The following KYNU variants were observed in gnomAD, a reference collection of about 807,000 sequenced individuals.
KYNU encodes the protein L-kynurenine hydrolase.
Under a neutral mutation model 59.2 loss-of-function variants are expected in KYNU, and 54 were observed. The ratio of observed to expected loss-of-function variants is 0.91; its 90% CI spans 0.73 to 1.14. KYNU has a LOEUF of 1.14. KYNU is among the 50% of genes most tolerant of loss of function. The probability of loss-of-function intolerance (pLI) is 0.00; values close to 1 mark genes in which losing one functional copy is unlikely to be tolerated. For missense variants in KYNU, 567 were observed against 554.4 expected (o/e 1.02, Z -0.23); for synonymous variants, 177 against 192.0 (o/e 0.92, Z 0.65).
intron 8 of KYNU, among the ~76,000 whole-genome samples, chr2:142,961,556 A>T (rs967398970): frequency 6.6e-6 from 1 of 152,152 alleles, no homozygotes; most frequent in Non-Finnish European, 1.5e-5. Flanking sequence ...GCAGAATTCA[A>T]TTTTATCAGT....
rs1687078248 is a variant in KYNU at position 143,042,257 on chromosome 2, G to A, written c.*85G>A. 2.1e-5 allele frequency: 28 copies of A among 1,308,990 alleles called. No individual in the cohort carries two copies. Among genetic ancestry groups the A allele is most frequent in the Non-Finnish European group, 3.0e-5 (28 of 920,622 alleles). 81.1% of individuals were successfully genotyped at this position (1,308,990 alleles called of 1,614,324 possible). Reference sequence around the variant, plus strand: ...ATTATTCGATTTTTAATTATTGAAAGTATGTCACCATTGACCACATGTAAC... The same window carrying A: ...ATTATTCGATTTTTAATTATTGAAAATATGTCACCATTGACCACATGTAAC... On this transcript the variant is annotated 3_prime_UTR_variant, in exon 14 of 14. Coordinates refer to ENST00000264170, the MANE Select transcript of KYNU (RefSeq NM_003937.3).
chr2:143,030,766 C>A (rs1476071921), intron 11 of KYNU, among the ~76,000 whole-genome samples: 1 of 143,460 alleles, frequency 7.0e-6, no homozygotes, highest in Non-Finnish European at 1.5e-5. Context: ...GGGGTTATTT[C>A]CTGATAAGCC....
chr2:142,901,078 G>T (rs1682066710), intron 2 of KYNU, among the ~76,000 whole-genome samples: 1 of 151,940 alleles, frequency 6.6e-6, no homozygotes, highest in South Asian at 2.1e-4. Context: ...AAAGATACAG[G>T]GATTGAAATG....
At chr2:142,907,830 T>C (rs1682352367) in intron 2 of KYNU, among the ~76,000 whole-genome samples, 1 of 152,214 alleles carries the variant, frequency 6.6e-6, no homozygotes, top group African/African-American at 2.4e-5. Context: ...AAGGTGGGTG[T>C]GGTCACCTTC....
chr2:143,013,728 G>T (rs1233920930), intron 10 of KYNU, among the ~76,000 whole-genome samples: 2 of 152,148 alleles, frequency 1.3e-5, no homozygotes, highest in African/African-American at 4.8e-5. Flanking sequence ...TTTAAGTTCT[G>T]TTGGTTCAGC....
Position 142,901,595 on chromosome 2 carries a change from T to C in KYNU, c.169+16059T>C, listed in dbSNP as rs567675102. On this transcript the variant is annotated intron_variant, in intron 2 of 13. Transcript: ENST00000264170. ...ATGGCTTCCTGATGTTTGATAGGTG[T>C]TCCCTCAGAAGTTAGGAATTCCCTT... Among the ~76,000 whole-genome samples, 6 of 152,318 alleles carry C rather than the reference T, an allele frequency of 3.9e-5. No homozygotes were observed. In the South Asian group the frequency reaches 1.2e-3, roughly 32 times the overall value.
chr2:142,961,779 A>AT (rs1275302246), intron 8 of KYNU, among the ~76,000 whole-genome samples: 2 of 152,188 alleles, frequency 1.3e-5, no homozygotes, highest in African/African-American at 4.8e-5. Context: ...CAACAGTCAC[A>AT]ATTTGTGTTT....
At chr2:142,892,873 G>A (rs771211981) in intron 2 of KYNU, among the ~76,000 whole-genome samples, 11 of 152,244 alleles carry the variant, frequency 7.2e-5, no homozygotes, top group Non-Finnish European at 1.3e-4. Context: ...GCTGTTACAA[G>A]CAGTGAGAAT....
intron 2 of KYNU, among the ~76,000 whole-genome samples, chr2:142,906,624 G>C (rs537269543): frequency 6.6e-6 from 1 of 152,236 alleles, no homozygotes; most frequent in African/African-American, 2.4e-5. Flanking sequence ...GAGAGAAAGT[G>C]AAAGTCTGAA....
At chr2:143,016,375 A>G (rs1686245469) in intron 10 of KYNU, among the ~76,000 whole-genome samples, 1 of 152,274 alleles carries the variant, frequency 6.6e-6, no homozygotes, top group Admixed American at 6.5e-5. Flanking sequence ...TAATAGGATT[A>G]TAAAATTCTC....
At chr2:142,975,447 G>C (rs569769269) in intron 8 of KYNU, among the ~76,000 whole-genome samples, 2 of 152,264 alleles carry the variant, frequency 1.3e-5, no homozygotes, top group South Asian at 4.2e-4. Flanking sequence ...GGACCTCCTA[G>C]GTGCCAAGAG....
chr2:142,877,730 C>T lies in KYNU; in HGVS notation c.-26C>T, dbSNP rs552157438. On this transcript the variant is annotated 5_prime_UTR_variant, in exon 1 of 14. Transcript: ENST00000264170. Reference sequence around the variant, plus strand: ...GGGAGCCAAACACTCCATTGGGATCCTAGCTGGTAAGCTTGAGGCGCTGAT... The same window carrying T: ...GGGAGCCAAACACTCCATTGGGATCTTAGCTGGTAAGCTTGAGGCGCTGAT... 100 of 152,274 alleles carry T rather than the reference C, an allele frequency of 6.6e-4. No individual in the cohort carries two copies. The highest frequency in any genetic ancestry group is 2.2e-3 in the African/African-American group (93 of 41,572). The allele number at this position is 152,274 out of a possible 1,614,324, so 9.4% of individuals were successfully genotyped here.
chr2:142,914,924 T>G (rs1329865903), intron 2 of KYNU, among the ~76,000 whole-genome samples: 6 of 152,184 alleles, frequency 3.9e-5, no homozygotes, highest in Non-Finnish European at 1.5e-5. Flanking sequence ...ATTTGCATAT[T>G]AAAGCTTGCC....
chr2:143,034,151 A>G (rs921092305), intron 12 of KYNU, among the ~76,000 whole-genome samples: 1 of 150,802 alleles, frequency 6.6e-6, no homozygotes, highest in Non-Finnish European at 1.5e-5. Flanking sequence ...GTAAATGTAT[A>G]AATATTTACA....
At chr2:142,952,251 T>C (rs1276076071) in intron 4 of KYNU, among the ~76,000 whole-genome samples, 1 of 152,084 alleles carries the variant, frequency 6.6e-6, no homozygotes, top group Non-Finnish European at 1.5e-5. Flanking sequence ...GTTTTTTGTA[T>C]TTTTAGTAGA....
intron 10 of KYNU, among the ~76,000 whole-genome samples, chr2:143,016,924 G>T (rs1052814508): frequency 1.3e-4 from 20 of 152,116 alleles, no homozygotes; most frequent in South Asian, 1.0e-3. Flanking sequence ...CGCAGTGTCT[G>T]TTGTTACCAT....
chr2:142,980,134 T>C (rs572111918), intron 8 of KYNU, among the ~76,000 whole-genome samples: 1 of 151,430 alleles, frequency 6.6e-6, no homozygotes, highest in East Asian at 1.9e-4. Flanking sequence ...CCTGATGTTT[T>C]CATGGCATTT....
chr2:142,974,225 G>C (rs1399386389), intron 8 of KYNU, among the ~76,000 whole-genome samples: 1 of 152,202 alleles, frequency 6.6e-6, no homozygotes, highest in East Asian at 1.9e-4. Context: ...TAATTTTGAG[G>C]GCCTCAGTAA....
chr2:142,940,677 C>T (rs1045103621), intron 4 of KYNU, among the ~76,000 whole-genome samples: 8 of 152,130 alleles, frequency 5.3e-5, no homozygotes, highest in Non-Finnish European at 1.2e-4. Flanking sequence ...GAAAATTTGT[C>T]AACCATAGCT....
Sources: gnomAD v4.1 joint callset for allele counts (sites outside exome capture counted in the v4.1 genomes callset) on GRCh38, gnomAD v4.1.1 for gene constraint, MANE v1.5 for transcripts, NCBI Gene and HGNC (gene_info 2026-07-23, HGNC 2026-07-21) for gene names.